ITFG1: variants seen among roughly 807,000 people sequenced by gnomAD.
ITFG1 encodes integrin alpha FG-GAP repeat containing 1.
Under a neutral mutation model 81.8 loss-of-function variants are expected in ITFG1, and 34 were observed. That is an observed-to-expected ratio of 0.42 (90% CI 0.32 to 0.55). The LOEUF is 0.55. ITFG1 is among the 20% of genes least tolerant of loss of function. ITFG1 has a pLI of 0.17. For missense variants in ITFG1, 672 were observed against 755.4 expected, an observed-to-expected ratio of 0.89 and a Z score of 1.29; for synonymous variants, 285 against 270.6, an observed-to-expected ratio of 1.05 and a Z score of -0.52.
chr16:47,366,035 G>C (rs950381066), intron 7 of ITFG1, among the ~76,000 whole-genome samples, 166 bp from the exon 8 acceptor site: 2 of 152,142 alleles, frequency 1.3e-5, no homozygotes, highest in Non-Finnish European at 2.9e-5. Flanking sequence ...TGAAGCAAAG[G>C]AAACTCCTGT....
intron 5 of ITFG1, among the ~76,000 whole-genome samples, chr16:47,441,525 A>G (rs1429078932): frequency 1.3e-5 from 2 of 152,238 alleles, no homozygotes; most frequent in Non-Finnish European, 2.9e-5. Context: ...CTGGTTCAAC[A>G]TACGAAAATA....
chr16:47,332,039 C>G (rs1023232908), intron 8 of ITFG1, among the ~76,000 whole-genome samples: 2 of 152,194 alleles, frequency 1.3e-5, no homozygotes, highest in Non-Finnish European at 2.9e-5. Flanking sequence ...CAATAAAAGA[C>G]TCTTATGTAT....
chr16:47,427,348 C>T (rs1969035938), intron 6 of ITFG1, among the ~76,000 whole-genome samples: 1 of 152,130 alleles, frequency 6.6e-6, no homozygotes, highest in African/African-American at 2.4e-5. Context: ...CCCACTCCCA[C>T]CACCCACAAA....
At chr16:47,339,766 G>T (rs1365918854) in intron 8 of ITFG1, among the ~76,000 whole-genome samples, 15 of 151,992 alleles carry the variant, frequency 9.9e-5, no homozygotes. Context: ...TTATAAAACT[G>T]CCAGAAAAGA....
intron 8 of ITFG1, among the ~76,000 whole-genome samples, chr16:47,323,812 T>G (rs1401936130): frequency 6.6e-6 from 1 of 152,108 alleles, no homozygotes; most frequent in African/African-American, 2.4e-5. Context: ...ATGATGATGG[T>G]GGAAATGTTT....
chr16:47,375,736 A>G, intron 7 of ITFG1, 140 bp downstream of exon 7: 1 of 665,550 alleles, frequency 1.5e-6, no homozygotes, highest in South Asian at 1.7e-5. Flanking sequence ...GTTTGAATGC[A>G]GCAATGCAAC....
chr16:47,277,795 C>T (rs1966413703), intron 10 of ITFG1, among the ~76,000 whole-genome samples: 1 of 152,112 alleles, frequency 6.6e-6, no homozygotes, highest in South Asian at 2.1e-4. Context: ...AACAACACAA[C>T]TGTGTTTTGA....
At chr16:47,409,178 A>G (rs775148423) in intron 6 of ITFG1, among the ~76,000 whole-genome samples, 1 of 151,090 alleles carries the variant, frequency 6.6e-6, no homozygotes, top group Non-Finnish European at 1.5e-5. Context: ...TCAGCTTTTG[A>G]CTTCTGCAAT....
chr16:47,349,206 A>G (rs545713000), intron 8 of ITFG1, among the ~76,000 whole-genome samples: 26 of 152,342 alleles, frequency 1.7e-4, no homozygotes, highest in Middle Eastern at 6.8e-3. Context: ...ATTCACACAT[A>G]ACAATATTAA....
intron 8 of ITFG1, among the ~76,000 whole-genome samples, chr16:47,336,966 A>AG: frequency 6.6e-6 from 1 of 150,578 alleles, no homozygotes; most frequent in African/African-American, 2.5e-5. Flanking sequence ...CCATCTCAAA[A>AG]AAAGAAAAAA....
chr16:47,274,326 C>G (rs967152844), intron 10 of ITFG1, among the ~76,000 whole-genome samples: 1 of 152,030 alleles, frequency 6.6e-6, no homozygotes, highest in Admixed American at 6.6e-5. Context: ...TTTGACCATG[C>G]TGAGTTAACA....
chr16:47,291,034 G>A (rs1342066593), intron 10 of ITFG1, among the ~76,000 whole-genome samples: 2 of 151,870 alleles, frequency 1.3e-5, no homozygotes, highest in African/African-American at 2.4e-5. Flanking sequence ...GCTAGATCTC[G>A]GACTACCTTG....
intron 14 of ITFG1, among the ~76,000 whole-genome samples, chr16:47,170,958 C>G (rs1964951412): frequency 6.6e-6 from 1 of 151,392 alleles, no homozygotes; most frequent in Admixed American, 6.6e-5. Context: ...TAGTCTCAAA[C>G]TCCTGACCTC....
At chr16:47,409,033 A>C (rs890793501) in intron 6 of ITFG1, among the ~76,000 whole-genome samples, 2 of 152,124 alleles carry the variant, frequency 1.3e-5, no homozygotes, top group African/African-American at 4.8e-5. Context: ...TTGTGAAAGA[A>C]AAAGAGCAAA....
chr16:47,226,641 C>T lies in ITFG1; in HGVS notation c.1375-7695G>A, dbSNP rs145885926. ...TGCGGTGTTTGGTTTTTTCTCCTTG[C>T]GACAGTTCGCTGAGAATGATGGTTT... On this transcript the variant is annotated intron_variant, in intron 13 of 17. Coordinates refer to ENST00000320640, the MANE Select transcript of ITFG1 (RefSeq NM_030790.5). 4.7e-3 allele frequency among the ~76,000 whole-genome samples: 706 copies of T among 150,658 alleles called. 5 individuals carry two copies. The highest frequency in any genetic ancestry group is 8.0e-3 in the South Asian group (38 of 4,752).
chr16:47,175,219 T>A (rs1315681715), intron 14 of ITFG1, among the ~76,000 whole-genome samples: 2 of 152,068 alleles, frequency 1.3e-5, no homozygotes, highest in African/African-American at 4.8e-5. Context: ...GGCAAGTACT[T>A]CTTGTGTACT....
chr16:47,169,223 C>T (rs148386787), intron 14 of ITFG1, among the ~76,000 whole-genome samples: 16 of 152,188 alleles, frequency 1.1e-4, no homozygotes, highest in African/African-American at 3.4e-4. Context: ...CTTACAGTTC[C>T]GTATCAATTT....
At chr16:47,179,389 A>G (rs1007615238) in intron 14 of ITFG1, among the ~76,000 whole-genome samples, 4 of 152,188 alleles carry the variant, frequency 2.6e-5, no homozygotes, top group African/African-American at 9.6e-5. Flanking sequence ...ATGGAATACT[A>G]TGCAGCACAC....
intron 10 of ITFG1, among the ~76,000 whole-genome samples, chr16:47,267,946 T>C (rs1004749490): frequency 9.2e-5 from 14 of 151,804 alleles, no homozygotes; most frequent in Middle Eastern, 3.4e-3. Flanking sequence ...AAGAAAAGTC[T>C]CAAACAAATG....
Sources: allele counts gnomAD v4.1 joint callset (sites outside exome capture counted in the v4.1 genomes callset), GRCh38; gene constraint gnomAD v4.1.1; transcripts MANE v1.5; gene names NCBI Gene and HGNC (gene_info 2026-07-23, HGNC 2026-07-21).